ZNF385D: variants seen among roughly 807,000 people sequenced by gnomAD.
ZNF385D encodes the protein zinc finger protein 659.
A neutral mutation model predicts 35.8 loss-of-function variants in ZNF385D; 15 were observed. That is an observed-to-expected ratio of 0.42 (90% confidence interval 0.28 to 0.64). ZNF385D has a LOEUF of 0.64. Among genes scored for constraint, ZNF385D ranks in the 30% least tolerant of loss-of-function variants. The pLI is 0.23. For missense variants in ZNF385D, 474 were observed against 494.6 expected, an observed-to-expected ratio of 0.96 and a Z score of 0.39; for synonymous variants, 212 against 186.8, an observed-to-expected ratio of 1.13 and a Z score of -1.10.
intron 4 of ZNF385D, among the ~76,000 whole-genome samples, chr3:21,481,229 T>C (rs903201012): frequency 2.6e-5 from 4 of 152,224 alleles, no homozygotes; most frequent in Non-Finnish European, 5.9e-5. Flanking sequence ...GTTTTCAACA[T>C]GTTTTTAGCT....
At chr3:22,249,508 G>A (rs886233302) in intron 2 of ZNF385D, among the ~76,000 whole-genome samples, 11 of 152,080 alleles carry the variant, frequency 7.2e-5, no homozygotes, top group Non-Finnish European at 1.5e-4. Context: ...AAGTAATTAT[G>A]TAAGACACTA....
chr3:21,713,099 T>C (rs1475955493), intron 1 of ZNF385D, among the ~76,000 whole-genome samples: 1 of 152,328 alleles, frequency 6.6e-6, no homozygotes, highest in Non-Finnish European at 1.5e-5. Flanking sequence ...GAGAATACCC[T>C]ATGCACTTAA....
intron 2 of ZNF385D, among the ~76,000 whole-genome samples, chr3:21,635,095 T>C (rs2065389966): frequency 6.6e-6 from 1 of 152,024 alleles, no homozygotes; most frequent in South Asian, 2.1e-4. Context: ...GAGAACAATA[T>C]CACAGAAAGA....
chr3:21,862,448 G>A (rs1018964129), intron 3 of ZNF385D, among the ~76,000 whole-genome samples: 1 of 152,050 alleles, frequency 6.6e-6, no homozygotes, highest in Admixed American at 6.6e-5. Context: ...AATAGGAAAA[G>A]TAACAGAAAT....
At chr3:22,167,536 C>T (rs144395095) in intron 3 of ZNF385D, among the ~76,000 whole-genome samples, 62 of 152,290 alleles carry the variant, frequency 4.1e-4, no homozygotes, top group Non-Finnish European at 7.6e-4. Context: ...GGCTCAGGAC[C>T]CACCAATCAT....
At chr3:21,962,496 T>G (rs1383073) in intron 3 of ZNF385D, among the ~76,000 whole-genome samples, 104,088 of 152,022 alleles carry the variant, frequency 0.68, 36,798 homozygotes, top group Non-Finnish European at 0.77. Flanking sequence ...AATAGCACAT[T>G]ATGTTCACAA....
chr3:22,229,800 G>A (rs1698774973), intron 2 of ZNF385D, among the ~76,000 whole-genome samples: 1 of 152,008 alleles, frequency 6.6e-6, no homozygotes, highest in African/African-American at 2.4e-5. Flanking sequence ...GGGTCTCTGA[G>A]GTCTCCCCTT....
intron 2 of ZNF385D, among the ~76,000 whole-genome samples, chr3:22,262,523 A>G (rs906195967): frequency 3.9e-5 from 6 of 151,988 alleles, no homozygotes; most frequent in African/African-American, 9.7e-5. Flanking sequence ...TTCAATTTCT[A>G]TATTTATTTT....
chr3:22,274,562 G>A lies in ZNF385D; in HGVS notation c.106+97888C>T, dbSNP rs1241195704. On this transcript the variant is annotated intron_variant, in intron 2 of 5. Transcript: ENST00000494108. ...ATGTGTGAACAGTTTCACCAAGGTT[G>A]CCCAAGAGTCCATTGCAATCAAGAT... 2.0e-5 allele frequency among the ~76,000 whole-genome samples: 3 copies of A among 151,892 alleles called. 1 individual carries two copies. The highest frequency in any genetic ancestry group is 2.0e-4 in the Admixed American group (3 of 15,236).
intron 3 of ZNF385D, among the ~76,000 whole-genome samples, chr3:21,901,647 T>A (rs1399038419): frequency 6.6e-6 from 1 of 152,176 alleles, no homozygotes; most frequent in Non-Finnish European, 1.5e-5. Flanking sequence ...TTTAGGATGG[T>A]TAAATAAACA....
chr3:22,133,949 C>T (rs1246378728), intron 3 of ZNF385D: 1 of 151,986 alleles, frequency 6.6e-6, no homozygotes, highest in Non-Finnish European at 1.5e-5. Flanking sequence ...CTGAACAGCT[C>T]CATGAGTGGT....
intron 3 of ZNF385D, among the ~76,000 whole-genome samples, chr3:21,791,570 G>C (rs1036124214): frequency 1.3e-5 from 2 of 152,186 alleles, no homozygotes; most frequent in Non-Finnish European, 2.9e-5. Flanking sequence ...CCAGTGCTTA[G>C]AGACTTGAGT....
intron 3 of ZNF385D, among the ~76,000 whole-genome samples, chr3:22,161,788 A>G (rs1349928833): frequency 6.6e-6 from 1 of 152,196 alleles, no homozygotes; most frequent in African/African-American, 2.4e-5. Context: ...CTTTGCTGTA[A>G]TAATATAAGT....
At chr3:21,880,624 A>G (rs1269940697) in intron 3 of ZNF385D, among the ~76,000 whole-genome samples, 3 of 152,048 alleles carry the variant, frequency 2.0e-5, no homozygotes, top group African/African-American at 4.8e-5. Flanking sequence ...TACTAACCCT[A>G]CAATGGCCTC....
At chr3:21,883,574 A>C (rs1698389451) in intron 3 of ZNF385D, among the ~76,000 whole-genome samples, 1 of 152,016 alleles carries the variant, frequency 6.6e-6, no homozygotes, top group Non-Finnish European at 1.5e-5. Flanking sequence ...ATACAATTTG[A>C]CAGCGTTTCC....
chr3:21,929,802 G>A (rs1327811302), intron 3 of ZNF385D, among the ~76,000 whole-genome samples: 2 of 151,970 alleles, frequency 1.3e-5, no homozygotes, highest in Admixed American at 1.3e-4. Flanking sequence ...AGAAATTAAA[G>A]ATCTAAATAA....
chr3:21,775,870 C>A (rs147730002), intron 3 of ZNF385D, among the ~76,000 whole-genome samples: 179 of 151,532 alleles, frequency 1.2e-3, no homozygotes, highest in African/African-American at 4.2e-3. Context: ...TTAAGACATG[C>A]TCTTTTTTAA....
intron 2 of ZNF385D, among the ~76,000 whole-genome samples, chr3:22,339,518 T>C (rs1310710355): frequency 3.3e-5 from 5 of 152,318 alleles, no homozygotes; most frequent in African/African-American, 9.6e-5. Context: ...GTATAGAAAT[T>C]TGAGCTGAAA....
At chr3:21,885,727 G>T (rs1698504483) in intron 3 of ZNF385D, among the ~76,000 whole-genome samples, 1 of 111,320 alleles carries the variant, frequency 9.0e-6, no homozygotes, top group Non-Finnish European at 1.9e-5. Flanking sequence ...AATAGAACAG[G>T]GTGTGTCTGT....
Sources: gnomAD v4.1 joint callset for allele counts (sites outside exome capture counted in the v4.1 genomes callset) on GRCh38, gnomAD v4.1.1 for gene constraint, MANE v1.5 for transcripts, NCBI Gene and HGNC (gene_info 2026-07-23, HGNC 2026-07-21) for gene names.